Variants in TSPEAR observed in about 807,000 individuals in gnomAD.
TSPEAR encodes the protein thrombospondin type laminin G domain and EAR repeats.
A neutral mutation model predicts 71.6 loss-of-function variants in TSPEAR; 69 were observed. The ratio of observed to expected loss-of-function variants is 0.96; its 90% confidence interval spans 0.79 to 1.18. TSPEAR has a LOEUF of 1.18. Ranked by LOEUF, TSPEAR falls within the 50% of genes most tolerant of loss-of-function variation. The pLI, the probability that TSPEAR is intolerant of heterozygous loss-of-function variation, is 0.00. For missense variants in TSPEAR, 971 were observed against 894.9 expected (o/e 1.09, Z -1.09); for synonymous variants, 402 against 387.2 (o/e 1.04, Z -0.45).
chr21:44,608,257 A>G (rs1981435856), intron 1 of TSPEAR, among the ~76,000 whole-genome samples: 1 of 152,212 alleles, frequency 6.6e-6, no homozygotes, highest in Non-Finnish European at 1.5e-5. Context: ...TAAACCCCAG[A>G]CTTGGATGGG....
chr21:44,657,727 C>T lies in TSPEAR; in HGVS notation c.82+53706G>A, dbSNP rs1459467923. On this transcript the variant is annotated intron_variant, in intron 1 of 11. Transcript: ENST00000323084. ...AAAAATTGACAAAAAACCTGCATAA[C>T]GTCAAACCAGAACATCCTGTTTACA... 2.6e-5 allele frequency among the ~76,000 whole-genome samples: 4 copies of T among 152,268 alleles called. 1 individual carries two copies. The highest frequency in any genetic ancestry group is 6.8e-3 in the Middle Eastern group (2 of 294).
chr21:44,666,934 G>C (rs1985815051), intron 1 of TSPEAR: 21 of 1,582,596 alleles, frequency 1.3e-5, no homozygotes, highest in East Asian at 2.3e-5. Flanking sequence ...GTGATGTCTG[G>C]GGACGGCCTC....
chr21:44,598,158 C>T (rs1407094794), intron 1 of TSPEAR, among the ~76,000 whole-genome samples: 1 of 152,198 alleles, frequency 6.6e-6, no homozygotes, highest in Non-Finnish European at 1.5e-5. Flanking sequence ...AGCACCAGCT[C>T]GCATTCCGTT....
intron 1 of TSPEAR, among the ~76,000 whole-genome samples, chr21:44,692,920 G>A (rs1987180631): frequency 6.6e-6 from 1 of 151,924 alleles, no homozygotes; most frequent in Non-Finnish European, 1.5e-5. Context: ...GAAAAAGAGG[G>A]ACAAAGCTGG....
intron 1 of TSPEAR, chr21:44,702,895 G>A: frequency 1.5e-6 from 1 of 651,416 alleles, no homozygotes; most frequent in Non-Finnish European, 2.6e-6. Flanking sequence ...CACCGCACTG[G>A]TACACACCAC....
At chr21:44,661,792 G>T (rs896582522) in intron 1 of TSPEAR, among the ~76,000 whole-genome samples, 2 of 152,210 alleles carry the variant, frequency 1.3e-5, no homozygotes, top group South Asian at 4.2e-4. Flanking sequence ...GGGGCCACAC[G>T]CCTTTAAACA....
chr21:44,644,287 C>T (rs2838608), intron 1 of TSPEAR, among the ~76,000 whole-genome samples: 28,877 of 152,126 alleles, frequency 0.19, 2,869 homozygotes, highest in Non-Finnish European at 0.2. Flanking sequence ...AAAGACTGTA[C>T]GTGCACTGTG....
intron 2 of TSPEAR, among the ~76,000 whole-genome samples, chr21:44,538,493 C>T (rs1383822570): frequency 6.6e-6 from 1 of 152,026 alleles, no homozygotes; most frequent in Non-Finnish European, 1.5e-5. Context: ...TCCATCCGCC[C>T]ACCCCATGAT....
chr21:44,678,672 G>C (rs1986438447), intron 1 of TSPEAR, among the ~76,000 whole-genome samples: 1 of 152,222 alleles, frequency 6.6e-6, no homozygotes, highest in Non-Finnish European at 1.5e-5. Flanking sequence ...AATTGGAAGA[G>C]AGGAAGTCAA....
At chr21:44,551,379 C>T (rs2053431939) in intron 2 of TSPEAR, 1 of 1,613,274 alleles carries the variant, frequency 6.2e-7, no homozygotes, top group Non-Finnish European at 8.5e-7. Flanking sequence ...GGGGAGCTCA[C>T]AGCAGCTCTC....
intron 2 of TSPEAR, among the ~76,000 whole-genome samples, chr21:44,542,473 C>T (rs782325337): frequency 2.0e-5 from 3 of 152,096 alleles, no homozygotes; most frequent in Non-Finnish European, 4.4e-5. Context: ...TTAGGCCAGG[C>T]ATGATGGCTC....
At chr21:44,649,192 G>C (rs114173066) in intron 1 of TSPEAR, among the ~76,000 whole-genome samples, 1 of 152,304 alleles carries the variant, frequency 6.6e-6, no homozygotes, top group African/African-American at 2.4e-5. Context: ...GTGCATGCTC[G>C]TCAGGGTGTG....
intron 1 of TSPEAR, among the ~76,000 whole-genome samples, chr21:44,689,737 A>ATTTTTTTTTTTT (rs1310914900): frequency 2.4e-5 from 3 of 127,154 alleles, no homozygotes; most frequent in African/African-American, 9.6e-5. Context: ...ATATATATAT[A>ATTTTTTTTTTTT]TATTTTGGGG....
At position 44,579,436 on chromosome 21, in the gene TSPEAR, G is replaced by T. The variant is rs1555924451; in HGVS notation, c.83-11431C>A. 1.5e-5 allele frequency: 7 copies of T among 476,814 alleles called. No individual in the cohort carries two copies. The East Asian group carries it at 2.2e-4, about 15-fold the overall frequency. 29.5% of individuals were successfully genotyped at this position (476,814 alleles called of 1,614,324 possible). ...AGCTCAAAACCATGTATCCCCAGGA[G>T]CACTACAGAAAAAGAGAATCAGGCG... On this transcript the variant is annotated intron_variant, in intron 1 of 11. Coordinates refer to ENST00000323084, the MANE Select transcript of TSPEAR (RefSeq NM_144991.3).
intron 9 of TSPEAR, chr21:44,515,755 GGTAAC>G: frequency 6.6e-6 from 1 of 152,158 alleles, no homozygotes; most frequent in Non-Finnish European, 1.5e-5. Context: ...CGTGTTTTTC[GGTAAC>G]CACGTTCCAC....
chr21:44,607,418 A>G (rs1981382062), intron 1 of TSPEAR, among the ~76,000 whole-genome samples: 2 of 152,226 alleles, frequency 1.3e-5, no homozygotes, highest in African/African-American at 4.8e-5. Flanking sequence ...AGATCAAAAC[A>G]TCACATTATA....
chr21:44,540,245 T>A (rs2053195929), intron 2 of TSPEAR: 5 of 1,548,872 alleles, frequency 3.2e-6, no homozygotes, highest in East Asian at 4.5e-5. Flanking sequence ...AGTGAGTGTG[T>A]GAGCTTCGTG....
intron 11 of TSPEAR, among the ~76,000 whole-genome samples, chr21:44,503,897 T>G (rs1171919470): frequency 8.0e-3 from 445 of 55,848 alleles, no homozygotes; most frequent in Admixed American, 0.01. Flanking sequence ...GGGGAAGCAA[T>G]GTGCTGGGAG....
intron 1 of TSPEAR, among the ~76,000 whole-genome samples, chr21:44,602,739 C>T (rs1350740802): frequency 6.6e-6 from 1 of 152,210 alleles, no homozygotes; most frequent in African/African-American, 2.4e-5. Flanking sequence ...GCACACGCAG[C>T]GTCCCAGCTG....
Sources: allele counts gnomAD v4.1 joint callset (sites outside exome capture counted in the v4.1 genomes callset), GRCh38; gene constraint gnomAD v4.1.1; transcripts MANE v1.5; gene names NCBI Gene and HGNC (gene_info 2026-07-23, HGNC 2026-07-21).